VASP: variants seen among roughly 807,000 people sequenced by gnomAD.
VASP encodes vasodilator stimulated phosphoprotein.
Under a neutral mutation model 54.4 loss-of-function variants are expected in VASP, and 27 were observed. That is an observed-to-expected ratio of 0.50 (90% CI 0.37 to 0.68). VASP has a LOEUF of 0.68. VASP is among the 30% of genes least tolerant of loss of function. VASP has a pLI of 0.00. For synonymous variants in VASP, 233 were observed against 209.8 expected (o/e 1.11, Z -0.96); for missense variants, 488 against 528.3 (o/e 0.92, Z 0.75).
intron 1 of VASP, among the ~76,000 whole-genome samples, chr19:45,515,842 C>T (rs764341982): frequency 1.3e-5 from 2 of 152,056 alleles, no homozygotes; most frequent in Non-Finnish European, 2.9e-5. Flanking sequence ...CCGGCTGTAC[C>T]AAGCCCTTTA....
intron 3 of VASP, among the ~76,000 whole-genome samples, chr19:45,519,388 C>G (rs1183237493): frequency 6.6e-6 from 1 of 152,146 alleles, no homozygotes; most frequent in Non-Finnish European, 1.5e-5. Flanking sequence ...AAGTGATCCA[C>G]CTGCCTCTGC....
At chr19:45,509,420 C>T (rs1968555274) in intron 1 of VASP, among the ~76,000 whole-genome samples, 1 of 152,056 alleles carries the variant, frequency 6.6e-6, no homozygotes, top group East Asian at 1.9e-4. Flanking sequence ...GTCCCAGGCT[C>T]GGTGGAAGGC....
Position 45,524,667 on chromosome 19 carries a change from T to TG in VASP, c.1047+14dup, listed in dbSNP as rs762503564. ...CCTACAGAGGGTGAAACAGGTAACT[T>TG]GGGGGGGAAGTTGGGGACCACAGCA... is the stretch of plus-strand genomic sequence containing the variant. On this transcript the variant is annotated splice_region_variant and intron_variant, in intron 11 of 12. Transcript: ENST00000245932. 1.4e-5 allele frequency: 22 copies of TG among 1,612,416 alleles called. 1 individual carries two copies. Among genetic ancestry groups the TG allele is most frequent in the African/African-American group, 4.0e-5 (3 of 74,656 alleles).
Position 45,507,964 on chromosome 19 carries a change from A to T in VASP, c.5+188A>T, listed in dbSNP as rs1968522171. Reference sequence around the variant, plus strand: ...TCACTTCTCCACGACTGACTCCCCAAGCTCGGGGGGTGGTGGCGGTGAGGT... The same window carrying T: ...TCACTTCTCCACGACTGACTCCCCATGCTCGGGGGGTGGTGGCGGTGAGGT... On this transcript the variant is annotated intron_variant, in intron 1 of 12. Transcript: ENST00000245932. The surrounding 1 kb of genome is among the most constrained non-coding windows in gnomAD (Gnocchi z 4.4). Among the ~76,000 whole-genome samples the T allele has an allele frequency of 1.3e-5, 2 of 152,028 alleles. No homozygotes were observed. Among genetic ancestry groups the T allele is most frequent in the South Asian group, 4.2e-4 (2 of 4,818 alleles).
At chr19:45,524,288 G>C in intron 10 of VASP, 146 bp downstream of exon 10, 2 of 948,310 alleles carry the variant, frequency 2.1e-6, no homozygotes, top group Non-Finnish European at 3.3e-6. Context: ...TGTGGTCCCA[G>C]CTACTCAGGA....
intron 1 of VASP, among the ~76,000 whole-genome samples, chr19:45,513,464 T>C (rs1968639695): frequency 7.5e-6 from 1 of 134,224 alleles, no homozygotes; most frequent in East Asian, 2.3e-4. Flanking sequence ...AGCTAGTCTC[T>C]CTCCTTTTTT....
intron 1 of VASP, among the ~76,000 whole-genome samples, chr19:45,512,938 T>C (rs941993547): frequency 6.6e-6 from 1 of 152,132 alleles, no homozygotes; most frequent in African/African-American, 2.4e-5. Context: ...AACACTACCT[T>C]GTACTTTGGC....
intron 5 of VASP, 43 bp downstream of exon 5, chr19:45,522,260 G>A (rs375239976): frequency 1.9e-6 from 3 of 1,614,044 alleles, no homozygotes; most frequent in Admixed American, 1.7e-5. Context: ...GGGCCTCCCT[G>A]GAGGAAGTGG....
At position 45,523,677 on chromosome 19, in the gene VASP, C is replaced by G; in HGVS notation, c.855C>G (p.Pro285=). The G allele has an allele frequency of 6.2e-7, 1 of 1,614,056 alleles. No homozygotes were observed. The highest frequency in any genetic ancestry group is 8.5e-7 in the Non-Finnish European group (1 of 1,180,032). The change falls in exon 8 of 13, where the codon CCC becomes CCG. Residue 285 remains proline (P), a synonymous_variant. Transcript: ENST00000245932. ...RKATQVGEKT[P]KDESANQEEP... is the part of the protein sequence containing the mutation. The stretch of plus-strand genomic sequence containing the variant: ...CCACGCAAGTTGGGGAGAAAACCCC[C>G]AAGGATGAATCTGCCAATGTAAGTC...
At chr19:45,512,630 T>G (rs943502516) in intron 1 of VASP, among the ~76,000 whole-genome samples, 3 of 151,586 alleles carry the variant, frequency 2.0e-5, no homozygotes, top group Non-Finnish European at 4.4e-5. Flanking sequence ...GACGGAGTCT[T>G]GCTCTGTCCC....
chr19:45,509,029 C>T (rs1325234810), intron 1 of VASP, among the ~76,000 whole-genome samples: 1 of 152,230 alleles, frequency 6.6e-6, no homozygotes, highest in East Asian at 1.9e-4. Context: ...CCCAAAGCCC[C>T]CAGCCTGAGC....
At chr19:45,523,492 C>A in intron 7 of VASP, 152 bp from the exon 8 acceptor site, 1 of 887,234 alleles carries the variant, frequency 1.1e-6, no homozygotes, top group South Asian at 1.8e-5. Context: ...CCACTGCGCC[C>A]AGCACAATCT....
At chr19:45,519,923 A>AG (rs1968794663) in intron 3 of VASP, among the ~76,000 whole-genome samples, 1 of 14,570 alleles carries the variant, frequency 6.9e-5, no homozygotes, top group Non-Finnish European at 1.4e-4. Flanking sequence ...TTTTTTTTTT[A>AG]ATATGGAGTC....
At chr19:45,516,990 A>AC (rs1181482901) in intron 1 of VASP, among the ~76,000 whole-genome samples, 1 of 104,556 alleles carries the variant, frequency 9.6e-6, no homozygotes, top group Non-Finnish European at 1.9e-5. Flanking sequence ...TCTCAAAAAA[A>AC]AAAAAAAAAA....
At position 45,522,732 on chromosome 19, in the gene VASP, A is replaced by G. The variant is rs879408952; in HGVS notation, c.735A>G (p.Ser245=). 3.7e-6 allele frequency: 6 copies of G among 1,603,946 alleles called. No individual in the cohort carries two copies. The highest frequency in any genetic ancestry group is 1.4e-5 in the African/African-American group (1 of 73,862). ...LRKVSKQEEA[S]GGPTAPKAES... is the part of the protein sequence containing the mutation. ...AATTTCTCCAGCAGGAGGAGGCCTC[A>G]GGGGGGCCCACAGCCCCCAAAGCTG... The change falls in exon 7 of 13, where the codon TCA becomes TCG. Residue 245 remains serine (S), a synonymous_variant. Transcript: ENST00000245932.
rs71173173 is a variant in VASP, at chr19:45,513,468, C to CTTTTTTTTTTTTTTTTT, written c.6-4190_6-4174dup. 1.1e-3 allele frequency among the ~76,000 whole-genome samples: 105 copies of CTTTTTTTTTTTTTTTTT among 92,784 alleles called. 7 individuals are homozygous for CTTTTTTTTTTTTTTTTT. Among genetic ancestry groups the CTTTTTTTTTTTTTTTTT allele is most frequent in the African/African-American group, 4.5e-3 (95 of 21,078 alleles). The allele number at this position is 92,784 out of a possible 152,430, so 60.9% of individuals were successfully genotyped here. A position where few individuals can be genotyped will look rare whatever the true frequency, so the allele number is the denominator to read the frequency against. On this transcript the variant is annotated intron_variant, in intron 1 of 12. Transcript: ENST00000245932. ...CATCTTGCCCAAGCTAGTCTCTCTC[C>CTTTTTTTTTTTTTTTTT]TTTTTTTTTTTTTTTTTTTTTGAGA... is the stretch of plus-strand genomic sequence containing the variant.
intron 1 of VASP, among the ~76,000 whole-genome samples, chr19:45,517,209 T>C (rs1968721978): frequency 6.6e-6 from 1 of 151,680 alleles, no homozygotes; most frequent in Admixed American, 6.6e-5. Flanking sequence ...CCCAGGCTGC[T>C]CTGAAATGCT....
chr19:45,521,275 G>A (rs1021280906), intron 3 of VASP, 47 bp from the exon 4 acceptor site: 11 of 1,515,732 alleles, frequency 7.3e-6, no homozygotes, highest in Non-Finnish European at 9.9e-6. Context: ...CAAGAGCTGA[G>A]CAGAGTTCTG....
chr19:45,507,994 C>T lies in VASP; in HGVS notation c.5+218C>T, dbSNP rs1968522820. 6.6e-6 allele frequency among the ~76,000 whole-genome samples: 1 copy of T among 152,104 alleles called. No homozygotes were observed. Among genetic ancestry groups the T allele is most frequent in the African/African-American group, 2.4e-5 (1 of 41,434 alleles). On this transcript the variant is annotated intron_variant, in intron 1 of 12. Coordinates refer to ENST00000245932, the MANE Select transcript of VASP (RefSeq NM_003370.4). The surrounding 1 kb of genome is among the most constrained non-coding windows in gnomAD (Gnocchi z 4.4). ...GGGGGGTGGTGGCGGTGAGGTTCTC[C>T]TGGGAGCCCTCAAGATTTGGGGGCG...
Sources: allele counts gnomAD v4.1 joint callset (sites outside exome capture counted in the v4.1 genomes callset), GRCh38; gene constraint gnomAD v4.1.1; non-coding constraint Gnocchi (gnomAD v3.1); transcripts MANE v1.5; gene names NCBI Gene and HGNC (gene_info 2026-07-23, HGNC 2026-07-21).